WIPF3: variants seen among roughly 807,000 people sequenced by gnomAD.
WIPF3 encodes WAS/WASL-interacting protein family member 3.
In WIPF3, 33 loss-of-function variants were observed where a neutral mutation model predicts 38.9. The ratio of observed to expected loss-of-function variants is 0.85; its 90% CI spans 0.64 to 1.14. The LOEUF is 1.14. WIPF3 is among the 50% of genes most tolerant of loss of function. WIPF3 has a pLI of 0.00. For synonymous variants in WIPF3, 324 were observed against 269.3 expected (o/e 1.20, Z -1.99); for missense variants, 711 against 652.5 (o/e 1.09, Z -0.98).
intron 2 of WIPF3, among the ~76,000 whole-genome samples, chr7:29,852,019 G>C (rs549057774): frequency 8.6e-5 from 13 of 151,046 alleles, no homozygotes; most frequent in Admixed American, 1.3e-4. Flanking sequence ...TTTAATTTTT[G>C]AGATGGGAGT....
At chr7:29,885,011 G>A (rs1487569555) in intron 5 of WIPF3, among the ~76,000 whole-genome samples, 1 of 152,192 alleles carries the variant, frequency 6.6e-6, no homozygotes, top group Non-Finnish European at 1.5e-5. Flanking sequence ...GGGGGCGTGA[G>A]TGTGGCTTGT....
At chr7:29,826,013 A>G (rs953067991) in intron 1 of WIPF3, among the ~76,000 whole-genome samples, 2 of 152,152 alleles carry the variant, frequency 1.3e-5, no homozygotes, top group African/African-American at 2.4e-5. Context: ...TTTGTATGTC[A>G]TATTCAATTC....
At chr7:29,813,102 A>G (rs75426058) in intron 1 of WIPF3, among the ~76,000 whole-genome samples, 85 of 152,264 alleles carry the variant, frequency 5.6e-4, no homozygotes, top group African/African-American at 2.0e-3. Context: ...CTTGACCACC[A>G]AGGACCCAAG....
chr7:29,883,023 G>GTGC (rs1252618673), intron 4 of WIPF3, among the ~76,000 whole-genome samples: 1 of 152,216 alleles, frequency 6.6e-6, no homozygotes, highest in Non-Finnish European at 1.5e-5. Flanking sequence ...TGGCAAAAAG[G>GTGC]TGCAAGGCTG....
chr7:29,900,060 C>A (rs958721889), intron 7 of WIPF3, among the ~76,000 whole-genome samples: 1 of 152,146 alleles, frequency 6.6e-6, no homozygotes, highest in African/African-American at 2.4e-5. Context: ...GCCTCAGCCT[C>A]TTGAGTAGCT....
chr7:29,866,534 C>G (rs933822909), intron 2 of WIPF3, among the ~76,000 whole-genome samples: 4 of 152,232 alleles, frequency 2.6e-5, no homozygotes, highest in Non-Finnish European at 5.9e-5. Context: ...CATAGGGTTA[C>G]TCTGTGCACT....
At chr7:29,826,348 C>G (rs1784615499) in intron 1 of WIPF3, among the ~76,000 whole-genome samples, 1 of 152,062 alleles carries the variant, frequency 6.6e-6, no homozygotes. Flanking sequence ...ATGCAGAATC[C>G]CAGGCCCCAA....
At chr7:29,836,679 G>A (rs1784807424) in intron 2 of WIPF3, among the ~76,000 whole-genome samples, 1 of 152,230 alleles carries the variant, frequency 6.6e-6, no homozygotes, top group Non-Finnish European at 1.5e-5. Flanking sequence ...ATTGCATTAT[G>A]CAGTGGTGGT....
intron 8 of WIPF3, among the ~76,000 whole-genome samples, chr7:29,909,085 A>C (rs868506803): frequency 1.3e-5 from 2 of 152,164 alleles, no homozygotes; most frequent in African/African-American, 4.8e-5. Flanking sequence ...GAAACTATAA[A>C]ACACTTGGAG....
chr7:29,892,628 C>G (rs1338708553), intron 7 of WIPF3, among the ~76,000 whole-genome samples: 2 of 152,230 alleles, frequency 1.3e-5, no homozygotes, highest in Non-Finnish European at 2.9e-5. Context: ...TAAAGCCTCA[C>G]AGCAGATTAA....
chr7:29,851,436 C>T (rs1266506226), intron 2 of WIPF3, among the ~76,000 whole-genome samples: 1 of 152,170 alleles, frequency 6.6e-6, no homozygotes, highest in Non-Finnish European at 1.5e-5. Flanking sequence ...TCCTGACCCT[C>T]ATCTGGGAAA....
intron 2 of WIPF3, among the ~76,000 whole-genome samples, chr7:29,865,044 G>C (rs1785361909): frequency 6.6e-6 from 1 of 152,176 alleles, no homozygotes; most frequent in Non-Finnish European, 1.5e-5. Context: ...CCTGTTTTAA[G>C]CTCATTGTAG....
chr7:29,841,334 A>ATC (rs1229640250), intron 2 of WIPF3, among the ~76,000 whole-genome samples: 2 of 152,066 alleles, frequency 1.3e-5, no homozygotes, highest in Admixed American at 6.5e-5. Context: ...GCTCCTCCTC[A>ATC]TCTCCGTCGC....
At position 29,916,153 on chromosome 7, in the gene WIPF3, T is replaced by C. The variant is rs575574104; in HGVS notation, c.*1637T>C. 1 of 152,246 alleles carries C rather than the reference T, an allele frequency of 6.6e-6. No individual in the cohort carries two copies. Among genetic ancestry groups the C allele is most frequent in the South Asian group, 2.1e-4 (1 of 4,814 alleles). The allele number at this position is 152,246 out of a possible 1,614,324, so 9.4% of individuals were successfully genotyped here. A position where few individuals can be genotyped will look rare whatever the true frequency, so the allele number is the denominator to read the frequency against. ...GCCCAAACTGTAACAGCTAAATAAG[T>C]AGAAGTTTTTGCAGGTCATCAGCTC... On this transcript the variant is annotated 3_prime_UTR_variant, in exon 9 of 9. Transcript: ENST00000242140.
At chr7:29,864,634 A>G (rs2128071165) in intron 2 of WIPF3, among the ~76,000 whole-genome samples, 1 of 152,328 alleles carries the variant, frequency 6.6e-6, no homozygotes, top group Non-Finnish European at 1.5e-5. Flanking sequence ...TCAACGCTTT[A>G]ATAGGGTAAG....
intron 7 of WIPF3, among the ~76,000 whole-genome samples, chr7:29,902,262 C>CTTTTTTTTTT (rs1472540698): frequency 7.4e-6 from 1 of 134,478 alleles, no homozygotes; most frequent in South Asian, 2.6e-4. Context: ...GTGTTTTCTT[C>CTTTTTTTTTT]TTCTTCTTCT....
Position 29,883,900 on chromosome 7 carries a change from C to T in WIPF3, c.406C>T (p.Pro136Ser), listed in dbSNP as rs1328415375. 1 of 1,579,546 alleles carries T rather than the reference C, an allele frequency of 6.3e-7. No homozygotes were observed. The highest frequency in any genetic ancestry group is 1.4e-5 in the African/African-American group (1 of 73,980). Residue 136 changes from proline (P) to serine (S), a missense_variant, in exon 5 of 9, where the codon CCC becomes TCC. Physicochemically the swap from Pro to Ser is moderately conservative, Grantham distance 74. Transcript: ENST00000242140. ...PGSRAPSPRL[P>S]NKTISGPLIP... Reference sequence around the variant, plus strand: ...CTCCCGCGCGCCCTCTCCCAGGCTTCCCAACAAAACCATCAGCGGCCCGCT... The same window carrying T: ...CTCCCGCGCGCCCTCTCCCAGGCTTTCCAACAAAACCATCAGCGGCCCGCT...
At chr7:29,824,794 C>G (rs1784591101) in intron 1 of WIPF3, among the ~76,000 whole-genome samples, 1 of 152,098 alleles carries the variant, frequency 6.6e-6, no homozygotes, top group Non-Finnish European at 1.5e-5. Context: ...AGGAATCTGC[C>G]TGGTAGCTGA....
intron 1 of WIPF3, among the ~76,000 whole-genome samples, chr7:29,833,163 G>A (rs1279180847): frequency 1.3e-5 from 2 of 152,238 alleles, no homozygotes; most frequent in African/African-American, 4.8e-5. Context: ...GGGGCTGAGG[G>A]GAGGAGACAG....
Sources: gnomAD v4.1 joint callset for allele counts (sites outside exome capture counted in the v4.1 genomes callset) on GRCh38, gnomAD v4.1.1 for gene constraint, MANE v1.5 for transcripts, NCBI Gene and HGNC (gene_info 2026-07-23, HGNC 2026-07-21) for gene names.